Variants in FGF2 observed in about 807,000 individuals in gnomAD.
The protein encoded by FGF2 is fibroblast growth factor 2.
Under a neutral mutation model 15.9 loss-of-function variants are expected in FGF2, and 13 were observed. The observed-to-expected ratio is 0.82, with a 90% CI of 0.53 to 1.30. FGF2 has a LOEUF of 1.30. Among genes scored for constraint, FGF2 ranks in the 50% most tolerant of loss-of-function variants. The probability of loss-of-function intolerance (pLI) is 0.00; values close to 1 mark genes in which losing one functional copy is unlikely to be tolerated. For missense variants in FGF2, 163 were observed against 196.9 expected (o/e 0.83, Z 1.03); for synonymous variants, 90 against 78.4 (o/e 1.15, Z -0.78).
intron 1 of FGF2, among the ~76,000 whole-genome samples, chr4:122,873,206 A>C (rs1726774649): frequency 6.6e-6 from 1 of 152,214 alleles, no homozygotes; most frequent in East Asian, 1.9e-4. Context: ...ACATCTTGGA[A>C]GATCTCTCTT....
At chr4:122,843,088 T>A (rs1201331813) in intron 1 of FGF2, among the ~76,000 whole-genome samples, 2 of 152,214 alleles carry the variant, frequency 1.3e-5, no homozygotes, top group Admixed American at 6.5e-5. Context: ...GAAAGAGATA[T>A]AAATCAATAA....
intron 1 of FGF2, among the ~76,000 whole-genome samples, chr4:122,856,430 G>A (rs952904479): frequency 4.6e-5 from 7 of 152,126 alleles, no homozygotes; most frequent in African/African-American, 7.2e-5. Context: ...CTGCCCTTGG[G>A]TTCTCAATTT....
intron 1 of FGF2, among the ~76,000 whole-genome samples, chr4:122,834,176 G>A (rs747995512): frequency 4.6e-5 from 7 of 152,132 alleles, no homozygotes; most frequent in Non-Finnish European, 7.4e-5. Context: ...TTACCACCCC[G>A]AACAGGAGAG....
Position 122,897,143 on chromosome 4 carries a change from T to A in FGF2, c.*4747T>A, listed in dbSNP as rs1476216. The A allele has an allele frequency of 0.09, 13,688 of 152,810 alleles. 1,371 individuals are homozygous for A. Among genetic ancestry groups the A allele is most frequent in the African/African-American group, 0.24 (10,100 of 41,510 alleles). The allele number at this position is 152,810 out of a possible 1,614,324, so 9.5% of individuals were successfully genotyped here. A position where few individuals can be genotyped will look rare whatever the true frequency, so the allele number is the denominator to read the frequency against. Reference sequence around the variant, plus strand: ...CTGACTATTAAAAATAAATAGTAGATACAATTTTCATAAAGTGAAGAATTA... The same window carrying A: ...CTGACTATTAAAAATAAATAGTAGAAACAATTTTCATAAAGTGAAGAATTA... On this transcript the variant is annotated 3_prime_UTR_variant, in exon 3 of 3. Coordinates refer to ENST00000644866, the MANE Select transcript of FGF2 (RefSeq NM_001361665.2).
intron 2 of FGF2, among the ~76,000 whole-genome samples, chr4:122,877,702 A>C (rs775403227): frequency 7.9e-5 from 12 of 152,226 alleles, no homozygotes; most frequent in Non-Finnish European, 1.8e-4. Flanking sequence ...GCCAGTTATG[A>C]CATCTCTATA....
At chr4:122,851,097 T>G (rs1726222666) in intron 1 of FGF2, among the ~76,000 whole-genome samples, 2 of 152,096 alleles carry the variant, frequency 1.3e-5, no homozygotes, top group Non-Finnish European at 2.9e-5. Context: ...CAAAGCACAA[T>G]TTTAGTATTA....
chr4:122,867,935 T>G (rs1726635396), intron 1 of FGF2, among the ~76,000 whole-genome samples: 1 of 152,202 alleles, frequency 6.6e-6, no homozygotes, highest in Non-Finnish European at 1.5e-5. Context: ...TATAGCCAGA[T>G]CAGCTTTCTT....
chr4:122,889,039 A>G (rs1024981698), intron 2 of FGF2: 2 of 152,178 alleles, frequency 1.3e-5, no homozygotes, highest in South Asian at 4.2e-4. Context: ...TTATTCTTCA[A>G]TTTTAAAAAA....
At chr4:122,846,415 G>A (rs563429203) in intron 1 of FGF2, among the ~76,000 whole-genome samples, 1 of 152,344 alleles carries the variant, frequency 6.6e-6, no homozygotes, top group South Asian at 2.1e-4. Context: ...CATAGTATCT[G>A]TGAAGAGCAA....
At chr4:122,826,729 A>T, upstream of FGF2, 1 of 1,257,340 alleles carries the variant, frequency 8.0e-7, no homozygotes, top group Non-Finnish European at 1.0e-6. Context: ...AACCCGAGCG[A>T]GTAGGGGGCG....
intron 2 of FGF2, chr4:122,883,325 A>G (rs1726996934): frequency 6.6e-6 from 1 of 152,226 alleles, no homozygotes; most frequent in African/African-American, 2.4e-5. Context: ...ACTAATTTGT[A>G]TACCGTTTTT....
intron 1 of FGF2, among the ~76,000 whole-genome samples, chr4:122,831,158 G>A (rs931602980): frequency 6.6e-6 from 1 of 152,216 alleles, no homozygotes; most frequent in Non-Finnish European, 1.5e-5. Flanking sequence ...AATTACTCAA[G>A]TTCACTTGTG....
intron 1 of FGF2, among the ~76,000 whole-genome samples, chr4:122,865,813 G>GTCA (rs1232876860): frequency 6.6e-6 from 1 of 152,116 alleles, no homozygotes; most frequent in Non-Finnish European, 1.5e-5. Context: ...ATCTTTAAGT[G>GTCA]TCATTTTGGG....
At chr4:122,835,607 T>C (rs542509566) in intron 1 of FGF2, among the ~76,000 whole-genome samples, 25 of 152,274 alleles carry the variant, frequency 1.6e-4, no homozygotes, top group African/African-American at 5.8e-4. Flanking sequence ...TCTCCAAAGC[T>C]AGACACCATG....
intron 2 of FGF2, among the ~76,000 whole-genome samples, chr4:122,879,261 A>G (rs1726916224): frequency 6.6e-6 from 1 of 152,192 alleles, no homozygotes; most frequent in African/African-American, 2.4e-5. Flanking sequence ...AAGTGAACCA[A>G]TAAGTAATTT....
At chr4:122,881,956 A>T (rs1299440671) in intron 2 of FGF2, 1 of 153,538 alleles carries the variant, frequency 6.5e-6, no homozygotes, top group Non-Finnish European at 1.4e-5. Flanking sequence ...GGCAAGGAAG[A>T]GCAAGTCACA....
chr4:122,861,970 A>G (rs2150776702), intron 1 of FGF2, among the ~76,000 whole-genome samples: 1 of 152,256 alleles, frequency 6.6e-6, no homozygotes, highest in Non-Finnish European at 1.5e-5. Flanking sequence ...GGTTAGATGT[A>G]TTCTCTGAGT....
chr4:122,881,576 G>A (rs115027488), intron 2 of FGF2, among the ~76,000 whole-genome samples: 109 of 152,314 alleles, frequency 7.2e-4, no homozygotes, highest in African/African-American at 2.5e-3. Context: ...CCTTTGCTCA[G>A]TTCCCAACAA....
intron 1 of FGF2, among the ~76,000 whole-genome samples, chr4:122,838,461 A>G (rs1578451730): frequency 6.6e-6 from 1 of 152,324 alleles, no homozygotes; most frequent in East Asian, 1.9e-4. Context: ...AGGTGTTGTT[A>G]TCTTCATTTG....
Sources: gnomAD v4.1 joint callset for allele counts (sites outside exome capture counted in the v4.1 genomes callset) on GRCh38, gnomAD v4.1.1 for gene constraint, MANE v1.5 for transcripts, NCBI Gene and HGNC (gene_info 2026-07-23, HGNC 2026-07-21) for gene names.